The following MAP1B variants were observed in gnomAD, a reference collection of about 807,000 sequenced individuals.
MAP1B encodes the protein microtubule associated protein 1B.
In MAP1B, 12 loss-of-function variants were observed where a neutral mutation model predicts 176.1. The observed-to-expected ratio is 0.07, with a 90% CI of 0.04 to 0.11. The LOEUF (loss-of-function observed/expected upper bound fraction) is 0.11, where lower values mean the gene tolerates loss of function less well. MAP1B is among the 10% of genes least tolerant of loss of function. MAP1B has a pLI of 1.00. For synonymous variants in MAP1B, 1,044 were observed against 1,135.0 expected (o/e 0.92, Z 1.61); for missense variants, 2,523 against 2,990.5 (o/e 0.84, Z 3.65).
At position 72,197,343 on chromosome 5, in the gene MAP1B, A is replaced by G. The variant is rs369054163; in HGVS notation, c.3988A>G (p.Ser1330Gly). The G allele has an allele frequency of 1.5e-5, 25 of 1,614,104 alleles. No individual in the cohort carries two copies. The highest frequency in any genetic ancestry group is 2.0e-5 in the Non-Finnish European group (24 of 1,180,048). ...VVSPSQSVTG[S>G]AGHTPYYQSP... ...GTCACCATCTCAGTCCGTGACTGGC[A>G]GTGCTGGTCACACACCTTACTATCA... The change falls in exon 5 of 7, where the codon AGT (serine) becomes GGT (glycine). Residue 1330 changes from serine (S) to glycine (G), a missense_variant. Around this residue, in one of 4 missense-constraint regions of MAP1B, gnomAD observed 1,925 missense variants for 2,126.0 expected, o/e 0.91. Transcript: ENST00000296755.
chr5:72,149,139 T>TA (rs554295219), intron 2 of MAP1B, among the ~76,000 whole-genome samples: 149 of 152,172 alleles, frequency 9.8e-4, no homozygotes, highest in Non-Finnish European at 1.5e-3. Flanking sequence ...ATCTTATTTT[T>TA]AAAAAAATTG....
At chr5:72,162,403 CT>C (rs375741442) in intron 2 of MAP1B, among the ~76,000 whole-genome samples, 2,396 of 148,580 alleles carry the variant, frequency 0.016, 71 homozygotes, top group African/African-American at 0.056. Context: ...GGGGGGGCAT[CT>C]TTTTTTTTTC....
Position 72,195,776 on chromosome 5 carries a change from T to C in MAP1B, c.2421T>C (p.Ala807=). ...AAVGTGATTA[A]VMAAAGIAAI... is the part of the protein sequence containing the mutation. ...TCGGCACTGGAGCCACCACAGCAGCTGTCATGGCGGCAGCTGGAATAGCAG... is the reference window on the plus strand; with the variant it reads ...TCGGCACTGGAGCCACCACAGCAGCCGTCATGGCGGCAGCTGGAATAGCAG... The change falls in exon 5 of 7, where the codon GCT becomes GCC. Residue 807 remains alanine, a synonymous_variant. Transcript: ENST00000296755. 6.2e-7 allele frequency: 1 copy of C among 1,614,252 alleles called. No individual in the cohort carries two copies. Among genetic ancestry groups the C allele is most frequent in the Admixed American group, 1.7e-5 (1 of 60,036 alleles).
chr5:72,115,624 T>C (rs1745418648), intron 1 of MAP1B, 74 bp from the exon 2 acceptor site: 2 of 846,434 alleles, frequency 2.4e-6, no homozygotes, highest in Admixed American at 1.7e-5. Flanking sequence ...TGAGAAATAT[T>C]ACAGTGATGT....
Position 72,175,191 on chromosome 5 carries a change from A to G in MAP1B, c.287-8552A>G, listed in dbSNP as rs543023755. ...GTGATCCTCCCACCTCAGCCTCCCG[A>G]GTAGCTGAGATCACAGGCGTGCACC... On this transcript the variant is annotated intron_variant, in intron 2 of 6. Transcript: ENST00000296755. 2.6e-4 allele frequency among the ~76,000 whole-genome samples: 40 copies of G among 151,420 alleles called. 2 individuals carry two copies. In the South Asian group the frequency reaches 7.3e-3, roughly 28 times the overall value.
At chr5:72,165,797 A>G (rs1006259440) in intron 2 of MAP1B, among the ~76,000 whole-genome samples, 1 of 152,198 alleles carries the variant, frequency 6.6e-6, no homozygotes, top group Non-Finnish European at 1.5e-5. Context: ...TATCACCCCA[A>G]TCTTGCATAC....
Position 72,195,920 on chromosome 5 carries a change from G to A in MAP1B, c.2565G>A (p.Lys855=), listed in dbSNP as rs1407147087. The A allele has an allele frequency of 6.2e-7, 1 of 1,614,112 alleles. No homozygotes were observed. Among genetic ancestry groups the A allele is most frequent in the Non-Finnish European group, 8.5e-7 (1 of 1,180,062 alleles). Reference sequence around the variant, plus strand: ...AGGTCGATGTAACAAAGGACATCAAGCCTCAGCTGGAGCTAATCGAAGACG... The same window carrying A: ...AGGTCGATGTAACAAAGGACATCAAACCTCAGCTGGAGCTAATCGAAGACG... The part of the protein sequence containing the change: ...AEEVDVTKDI[K]PQLELIEDEE... Residue 855 remains lysine (K), a synonymous_variant, in exon 5 of 7, where the codon AAG becomes AAA. Coordinates refer to ENST00000296755, the MANE Select transcript of MAP1B (RefSeq NM_005909.5).
Position 72,208,193 on chromosome 5 carries a change from G to C in MAP1B, c.*2954G>C, listed in dbSNP as rs1747496230. On this transcript the variant is annotated 3_prime_UTR_variant, in exon 7 of 7. Coordinates refer to ENST00000296755, the MANE Select transcript of MAP1B (RefSeq NM_005909.5). ...CTGTGTGACTAACCTAATTTTGCTA[G>C]TTCCATAAATACACGATTAGTTTAG... 6.6e-6 allele frequency: 1 copy of C among 152,054 alleles called. No individual in the cohort carries two copies. Among genetic ancestry groups the C allele is most frequent in the African/African-American group, 2.4e-5 (1 of 41,402 alleles). 9.4% of individuals were successfully genotyped at this position (152,054 alleles called of 1,614,324 possible). A position where few individuals can be genotyped will look rare whatever the true frequency, so the allele number is the denominator to read the frequency against.
At position 72,195,048 on chromosome 5, in the gene MAP1B, A is replaced by G. The variant is rs779582651; in HGVS notation, c.1693A>G (p.Thr565Ala). Residue 565 changes from threonine to alanine, a missense_variant, in exon 5 of 7, where the codon ACC (threonine) becomes GCC (alanine). Thr to Ala is a moderately conservative substitution (Grantham distance 58, BLOSUM62 0). This residue lies in a region of MAP1B where 1,925 missense variants were observed against 2,126.0 expected (regional missense o/e 0.91). Coordinates refer to ENST00000296755, the MANE Select transcript of MAP1B (RefSeq NM_005909.5). ...KSVRKESKEE[T>A]PEVTKVNHVE... Reference sequence around the variant, plus strand: ...CGTGCGCAAGGAGTCAAAAGAAGAAACCCCTGAGGTCACAAAAGTGAATCA... The same window carrying G: ...CGTGCGCAAGGAGTCAAAAGAAGAAGCCCCTGAGGTCACAAAAGTGAATCA... 137 of 1,613,806 alleles carry G rather than the reference A, an allele frequency of 8.5e-5. No individual in the cohort carries two copies. The highest frequency in any genetic ancestry group is 2.2e-4 in the Admixed American group (13 of 59,972).
At chr5:72,184,955 G>A (rs1361990565) in intron 3 of MAP1B, among the ~76,000 whole-genome samples, 5 of 152,168 alleles carry the variant, frequency 3.3e-5, no homozygotes, top group Non-Finnish European at 7.3e-5. Flanking sequence ...AAAGCCCTGA[G>A]CTCATCAGCA....
intron 3 of MAP1B, among the ~76,000 whole-genome samples, chr5:72,185,438 A>C (rs187053219): frequency 1.0e-3 from 155 of 152,274 alleles, no homozygotes; most frequent in African/African-American, 3.6e-3. Flanking sequence ...TACCAAAAAT[A>C]CAAAAAATTA....
chr5:72,139,393 G>T (rs1266622039), intron 2 of MAP1B, among the ~76,000 whole-genome samples: 4 of 152,134 alleles, frequency 2.6e-5, no homozygotes, highest in Non-Finnish European at 5.9e-5. Context: ...TTAACCTTGG[G>T]CAAGTCACCA....
In MAP1B at chr5:72,199,985, T is replaced by C. The variant is rs1186244739; in HGVS notation, c.6630T>C (p.Pro2210=). ...PPPAPVQDRS[P]SPRHPDVSMV... is the part of the protein sequence containing the mutation. ...CAGCTCCCGTGCAAGACCGCAGCCCTTCGCCACGCCACCCTGATGTGTCCA... is the reference window on the plus strand; with the variant it reads ...CAGCTCCCGTGCAAGACCGCAGCCCCTCGCCACGCCACCCTGATGTGTCCA... The change falls in exon 5 of 7, where the codon CCT becomes CCC. Residue 2210 remains proline, a synonymous_variant. Transcript: ENST00000296755. The surrounding 1 kb of genome is among the most constrained non-coding windows in gnomAD (Gnocchi z 4.2). 1 of 1,614,062 alleles carries C rather than the reference T, an allele frequency of 6.2e-7. No individual in the cohort carries two copies. Among genetic ancestry groups the C allele is most frequent in the Non-Finnish European group, 8.5e-7 (1 of 1,180,038 alleles).
At chr5:72,151,000 G>C (rs1341482523) in intron 2 of MAP1B, among the ~76,000 whole-genome samples, 1 of 151,886 alleles carries the variant, frequency 6.6e-6, no homozygotes, top group East Asian at 1.9e-4. Context: ...TCCATTTTGT[G>C]TTGCTATAAA....
chr5:72,116,064 A>G, intron 2 of MAP1B: 2 of 360,870 alleles, frequency 5.5e-6, no homozygotes, highest in Middle Eastern at 8.8e-4. Flanking sequence ...ACACACATCA[A>G]TGATCACACA....
chr5:72,141,758 G>A (rs1745950820), intron 2 of MAP1B, among the ~76,000 whole-genome samples: 1 of 152,028 alleles, frequency 6.6e-6, no homozygotes, highest in Non-Finnish European at 1.5e-5. Context: ...GAGGATCATG[G>A]TTTAAAAAAA....
intron 5 of MAP1B, among the ~76,000 whole-genome samples, chr5:72,201,206 A>T (rs534838501): frequency 1.3e-5 from 2 of 149,158 alleles, no homozygotes; most frequent in South Asian, 4.2e-4. Context: ...CCACAAAAAA[A>T]AAAAAATGTT....
Position 72,183,799 on chromosome 5 carries a change from C to G in MAP1B, c.343C>G (p.Pro115Ala), listed in dbSNP as rs780369702. Residue 115 changes from proline (P) to alanine (A), a missense_variant, in exon 3 of 7, where the codon CCT (proline) becomes GCT (alanine). Physicochemically the swap from Pro to Ala is conservative, Grantham distance 27 (BLOSUM62 -1). Around this residue, in one of 4 missense-constraint regions of MAP1B, gnomAD observed 307 missense variants for 438.4 expected, o/e 0.70. Transcript: ENST00000296755. ...DVLETVVLIN[P>A]SDEAVSTEVR... The stretch of plus-strand genomic sequence containing the variant: ...TTTAGAAACAGTGGTCCTGATCAAC[C>G]CTTCTGATGAAGCAGTCAGCACCGA... The G allele has an allele frequency of 3.1e-6, 5 of 1,614,096 alleles. No homozygotes were observed. The highest frequency in any genetic ancestry group is 4.2e-6 in the Non-Finnish European group (5 of 1,179,970).
At chr5:72,181,833 T>C (rs1262637844) in intron 2 of MAP1B, among the ~76,000 whole-genome samples, 1 of 151,646 alleles carries the variant, frequency 6.6e-6, no homozygotes, top group East Asian at 1.9e-4. Flanking sequence ...GCGATTCTCC[T>C]CTTGTCTCAG....
Sources: gnomAD v4.1 joint callset for allele counts (sites outside exome capture counted in the v4.1 genomes callset) on GRCh38, gnomAD v4.1.1 for gene constraint, gnomAD v4.1.1 regional missense constraint, Gnocchi (gnomAD v3.1) non-coding constraint, MANE v1.5 for transcripts, NCBI Gene and HGNC (gene_info 2026-07-23, HGNC 2026-07-21) for gene names.